MDGA2: variants seen among roughly 807,000 people sequenced by gnomAD.
MDGA2 encodes MAM domain-containing glycosylphosphatidylinositol anchor protein 2.
MDGA2 carries 40 observed loss-of-function variants against 117.8 expected under a neutral mutation model. That is an observed-to-expected ratio of 0.34 (90% CI 0.26 to 0.44). The LOEUF is 0.44. MDGA2 is among the 20% of genes least tolerant of loss of function. The pLI is 1.00. For missense variants in MDGA2, 1,123 were observed against 1,250.6 expected (o/e 0.90, Z 1.54); for synonymous variants, 452 against 439.0 (o/e 1.03, Z -0.37).
chr14:47,207,609 C>T (rs1257223012), intron 3 of MDGA2, among the ~76,000 whole-genome samples: 1 of 151,818 alleles, frequency 6.6e-6, no homozygotes, highest in African/African-American at 2.4e-5. Context: ...CTTTTTTTCA[C>T]ATATTCCCTT....
intron 8 of MDGA2, among the ~76,000 whole-genome samples, chr14:47,000,973 T>C (rs1034929424): frequency 1.3e-5 from 2 of 151,802 alleles, no homozygotes; most frequent in African/African-American, 4.8e-5. Flanking sequence ...GTATTTTAGG[T>C]GAGAAAAAAA....
intron 1 of MDGA2, among the ~76,000 whole-genome samples, chr14:47,595,487 T>G (rs371090396): frequency 4.3e-5 from 6 of 137,972 alleles, no homozygotes; most frequent in African/African-American, 1.6e-4. Flanking sequence ...TGAGCCAAGA[T>G]CACACCATCA....
chr14:47,558,406 C>T (rs1369989798), intron 1 of MDGA2, among the ~76,000 whole-genome samples: 4 of 152,100 alleles, frequency 2.6e-5, no homozygotes, highest in African/African-American at 9.7e-5. Flanking sequence ...AAAAGTAATG[C>T]TTACTGAAAA....
At chr14:46,928,115 T>G (rs1884399841) in intron 9 of MDGA2, among the ~76,000 whole-genome samples, 1 of 152,092 alleles carries the variant, frequency 6.6e-6, no homozygotes, top group Non-Finnish European at 1.5e-5. Flanking sequence ...GCTGAAAAAA[T>G]AAATGTCTCA....
intron 14 of MDGA2, among the ~76,000 whole-genome samples, chr14:46,859,583 T>C (rs1881424119): frequency 6.6e-6 from 1 of 152,172 alleles, no homozygotes. Flanking sequence ...GGCAGAGAAC[T>C]TGACTGTCAT....
chr14:47,595,110 C>T (rs1239502026), intron 1 of MDGA2, among the ~76,000 whole-genome samples: 4 of 152,048 alleles, frequency 2.6e-5, no homozygotes, highest in African/African-American at 9.7e-5. Flanking sequence ...ACTCTCTTAT[C>T]CCCGAAAGAG....
chr14:47,388,118 G>C (rs1381870869), intron 1 of MDGA2, among the ~76,000 whole-genome samples: 1 of 45,628 alleles, frequency 2.2e-5, no homozygotes, highest in Non-Finnish European at 4.6e-5. Context: ...TGAGGAGTTT[G>C]TTTTTGTCTT....
At chr14:47,129,234 A>G (rs1362621220) in intron 5 of MDGA2, among the ~76,000 whole-genome samples, 8 of 150,452 alleles carry the variant, frequency 5.3e-5, no homozygotes, top group Non-Finnish European at 1.0e-4. Flanking sequence ...TCCCAATGCT[A>G]TAGCTCCCCC....
At chr14:47,143,061 T>C (rs1022220034) in intron 4 of MDGA2, among the ~76,000 whole-genome samples, 1 of 152,190 alleles carries the variant, frequency 6.6e-6, no homozygotes, top group African/African-American at 2.4e-5. Flanking sequence ...TCTCAGGCCT[T>C]AGTTTACCAT....
intron 8 of MDGA2, among the ~76,000 whole-genome samples, chr14:47,014,810 ATC>A (rs1191808838): frequency 6.6e-6 from 1 of 152,174 alleles, no homozygotes; most frequent in East Asian, 1.9e-4. Flanking sequence ...TTGCTTTCTT[ATC>A]ATCTGGTGTT....
chr14:47,166,055 A>G, intron 3 of MDGA2, among the ~76,000 whole-genome samples: 1 of 78,736 alleles, frequency 1.3e-5, no homozygotes, highest in East Asian at 3.7e-4. Context: ...TTTTTTTTTT[A>G]GACAGAGTCT....
At chr14:46,990,045 C>G (rs1594500945) in intron 8 of MDGA2, among the ~76,000 whole-genome samples, 1 of 152,052 alleles carries the variant, frequency 6.6e-6, no homozygotes, top group African/African-American at 2.4e-5. Context: ...ATACAATGTT[C>G]CTAAGAGTTC....
chr14:47,645,928 A>T (rs1254194517), intron 1 of MDGA2, among the ~76,000 whole-genome samples: 1 of 151,870 alleles, frequency 6.6e-6, no homozygotes, highest in East Asian at 1.9e-4. Context: ...AAAGAAAAAA[A>T]AATTAGCCGG....
chr14:47,449,745 A>T (rs1384364948), intron 1 of MDGA2, among the ~76,000 whole-genome samples: 1 of 152,188 alleles, frequency 6.6e-6, no homozygotes, highest in Non-Finnish European at 1.5e-5. Context: ...AAAGCTACCT[A>T]GGCAGACATC....
chr14:47,334,546 C>T (rs539527632), intron 1 of MDGA2, among the ~76,000 whole-genome samples: 73 of 151,962 alleles, frequency 4.8e-4, no homozygotes, highest in African/African-American at 1.6e-3. Context: ...TTCTTTAAAC[C>T]ACATGCAGTG....
At chr14:47,443,396 A>G (rs1893054523) in intron 1 of MDGA2, among the ~76,000 whole-genome samples, 2 of 152,150 alleles carry the variant, frequency 1.3e-5, no homozygotes. Context: ...GATGGAATGT[A>G]TCCCCCTTGG....
At chr14:47,201,109 G>A (rs1020458363) in intron 3 of MDGA2, 6 of 801,258 alleles carry the variant, frequency 7.5e-6, no homozygotes, top group Non-Finnish European at 1.1e-5. Flanking sequence ...CGCCATCTTC[G>A]GCAGCAGCTT....
intron 3 of MDGA2, among the ~76,000 whole-genome samples, chr14:47,176,600 G>A (rs781125624): frequency 1.1e-4 from 16 of 152,206 alleles, no homozygotes; most frequent in Non-Finnish European, 2.1e-4. Flanking sequence ...CTGGCCATAT[G>A]TAGAAAGCTG....
At chr14:47,324,536 G>A in intron 1 of MDGA2, among the ~76,000 whole-genome samples, 1 of 151,996 alleles carries the variant, frequency 6.6e-6, no homozygotes, top group East Asian at 1.9e-4. Flanking sequence ...GAACCATCGA[G>A]CCAACTCACT....
Sources: gnomAD v4.1 joint callset for allele counts (sites outside exome capture counted in the v4.1 genomes callset) on GRCh38, gnomAD v4.1.1 for gene constraint, MANE v1.5 for transcripts, NCBI Gene and HGNC (gene_info 2026-07-23, HGNC 2026-07-21) for gene names.